Variants in CFAP119 observed in about 807,000 individuals in gnomAD.
The protein encoded by CFAP119 is cilia and flagella associated protein 119.
the CFAP119 span, chr16:30,760,164 T>C: frequency 1.9e-6 from 3 of 1,592,470 alleles, no homozygotes; most frequent in Non-Finnish European, 2.6e-6. Context: ...TGTATGATGA[T>C]GCTACTAATA....
At chr16:30,759,691 C>T in the CFAP119 span, 6 of 1,613,474 alleles carry the variant, frequency 3.7e-6, no homozygotes, top group Admixed American at 1.7e-5. Context: ...GGTGAAGTAG[C>T]GGTAGCACTC....
At chr16:30,760,536 C>T in the CFAP119 span, 1 of 1,603,188 alleles carries the variant, frequency 6.2e-7, no homozygotes, top group South Asian at 1.1e-5. Flanking sequence ...GTCAGCCATT[C>T]CTCATGTTTT....
At chr16:30,761,485 C>G in the CFAP119 span, 2 of 1,529,322 alleles carry the variant, frequency 1.3e-6, no homozygotes, top group Non-Finnish European at 1.8e-6. Flanking sequence ...TGACAGGTGG[C>G]GCCTGCGGGG....
At chr16:30,758,024 C>CTCTA in the CFAP119 span, 1 of 191,112 alleles carries the variant, frequency 5.2e-6, no homozygotes, top group Non-Finnish European at 1.0e-5. Flanking sequence ...GCATGCACTG[C>CTCTA]ACACCTATTG....
chr16:30,761,259 A>G, the CFAP119 span: 1 of 1,613,456 alleles, frequency 6.2e-7, no homozygotes, highest in Non-Finnish European at 8.5e-7. Context: ...TGGGGAAGGC[A>G]GCTGCGGTGT....
chr16:30,761,364 T>C, the CFAP119 span: 4 of 1,410,076 alleles, frequency 2.8e-6, no homozygotes. Context: ...GAGGGAGGGC[T>C]TCAGCAGGCC....
chr16:30,760,118 G>A, the CFAP119 span: 2 of 1,545,970 alleles, frequency 1.3e-6, no homozygotes, highest in African/African-American at 2.7e-5. Context: ...TTAATTTCTA[G>A]ATAAGGAAGC....
chr16:30,761,837 CG>C, the CFAP119 span: 1 of 1,259,372 alleles, frequency 7.9e-7, no homozygotes, highest in Middle Eastern at 2.7e-4. Flanking sequence ...CTACCAAGGC[CG>C]GGCCCGTTCG....
At chr16:30,758,703 G>C in the CFAP119 span, 1 of 366,118 alleles carries the variant, frequency 2.7e-6, no homozygotes, top group East Asian at 6.8e-5. Context: ...CTACAAGCGC[G>C]CACCACCATG....
chr16:30,758,725 T>G, the CFAP119 span: 1 of 421,844 alleles, frequency 2.4e-6, no homozygotes, highest in East Asian at 5.2e-5. Flanking sequence ...CTGGCTATTT[T>G]TTGTATTTTA....
chr16:30,761,930 G>T, the CFAP119 span: 1 of 625,236 alleles, frequency 1.6e-6, no homozygotes, highest in Non-Finnish European at 2.7e-6. Context: ...AACGGCGACG[G>T]TTGCCAAGGG....
the CFAP119 span, chr16:30,759,839 C>A: frequency 6.7e-7 from 1 of 1,481,788 alleles, no homozygotes. Context: ...TGGGTTTCAG[C>A]ACTGGCTTGT....
At chr16:30,760,169 C>T in the CFAP119 span, 3 of 1,596,480 alleles carry the variant, frequency 1.9e-6, no homozygotes, top group Admixed American at 5.1e-5. Flanking sequence ...GATGATGCTA[C>T]TAATAATGAC....
At chr16:30,761,041 A>C in the CFAP119 span, 1 of 758,852 alleles carries the variant, frequency 1.3e-6, no homozygotes, top group Admixed American at 2.7e-5. Flanking sequence ...TTTGGACTGG[A>C]GAGGCTGGAA....
At chr16:30,761,500 C>T in the CFAP119 span, 1 of 1,533,436 alleles carries the variant, frequency 6.5e-7, no homozygotes, top group Admixed American at 2.0e-5. Context: ...GCGGGGGAGC[C>T]GGTTTATAAA....
chr16:30,761,662 C>A, the CFAP119 span: 2 of 1,535,922 alleles, frequency 1.3e-6, no homozygotes, highest in African/African-American at 1.4e-5. Flanking sequence ...TGCGATCCTT[C>A]CCCGCTTCCC....
the CFAP119 span, chr16:30,760,679 A>G: frequency 6.6e-7 from 1 of 1,522,164 alleles, no homozygotes; most frequent in Non-Finnish European, 8.8e-7. Flanking sequence ...CTGTTATAGT[A>G]AAAGAAAAAG....
At chr16:30,759,029 G>A in the CFAP119 span, 1 of 1,614,172 alleles carries the variant, frequency 6.2e-7, no homozygotes. Context: ...TGGCTCTGGT[G>A]GGGCCACTGT....
the CFAP119 span, chr16:30,759,506 T>C: frequency 6.2e-7 from 1 of 1,614,184 alleles, no homozygotes. Flanking sequence ...TCCGGAGCCC[T>C]GGCTTTGCCT....
Sources: allele counts gnomAD v4.1 joint callset, GRCh38; gene constraint gnomAD v4.1.1; transcripts MANE v1.5; gene names NCBI Gene and HGNC (gene_info 2026-07-23, HGNC 2026-07-21).